The following SHROOM3 variants were observed in gnomAD, a reference collection of about 807,000 sequenced individuals.
SHROOM3 encodes the protein shroom family member 3.
A neutral mutation model predicts 138.6 loss-of-function variants in SHROOM3; 47 were observed. That is an observed-to-expected ratio of 0.34 (90% confidence interval 0.27 to 0.43). The LOEUF (loss-of-function observed/expected upper bound fraction) is 0.43, where lower values mean the gene tolerates loss of function less well. Ranked by LOEUF, SHROOM3 falls within the 20% of genes least tolerant of loss-of-function variation. The pLI, the probability that SHROOM3 is intolerant of heterozygous loss-of-function variation, is 1.00. For synonymous variants in SHROOM3, 1,062 were observed against 1,063.3 expected, an observed-to-expected ratio of 1.00 and a Z score of 0.02; for missense variants, 2,491 against 2,596.5, an observed-to-expected ratio of 0.96 and a Z score of 0.88.
intron 9 of SHROOM3, among the ~76,000 whole-genome samples, chr4:76,762,473 AG>A (rs1430613535): frequency 6.6e-6 from 1 of 152,190 alleles, no homozygotes; most frequent in Non-Finnish European, 1.5e-5. Flanking sequence ...CCACAGCACC[AG>A]GGGGATGATA....
At chr4:76,525,973 A>C (rs1290423326) in intron 1 of SHROOM3, among the ~76,000 whole-genome samples, 1 of 152,020 alleles carries the variant, frequency 6.6e-6, no homozygotes, top group Non-Finnish European at 1.5e-5. Flanking sequence ...GTTGCTCCTG[A>C]CCTCATACTT....
Position 76,492,527 on chromosome 4 carries a change from C to T in SHROOM3, c.168+56307C>T, listed in dbSNP as rs527674629. On this transcript the variant is annotated intron_variant, in intron 1 of 10. Coordinates refer to ENST00000296043, the MANE Select transcript of SHROOM3 (RefSeq NM_020859.4). ...ATTTTAGAATTTAGTACCAACTTCA[C>T]CATCTGATTCCTGAAGCTTGGGGTA... Among the ~76,000 whole-genome samples the T allele has an allele frequency of 3.9e-5, 6 of 152,270 alleles. No individual in the cohort carries two copies. In the South Asian group the frequency reaches 1.2e-3, roughly 32 times the overall value.
At chr4:76,516,514 C>G (rs1416549183) in intron 1 of SHROOM3, among the ~76,000 whole-genome samples, 1 of 151,944 alleles carries the variant, frequency 6.6e-6, no homozygotes, top group African/African-American at 2.4e-5. Flanking sequence ...AGAGGAATCC[C>G]TGAACTGAAT....
intron 2 of SHROOM3, among the ~76,000 whole-genome samples, chr4:76,629,883 C>T (rs923525131): frequency 3.3e-5 from 5 of 152,134 alleles, no homozygotes; most frequent in African/African-American, 1.2e-4. Flanking sequence ...GTGTATGAAT[C>T]TGGTATTTAG....
At chr4:76,507,807 G>A (rs1233088856) in intron 1 of SHROOM3, among the ~76,000 whole-genome samples, 5 of 151,798 alleles carry the variant, frequency 3.3e-5, no homozygotes, top group African/African-American at 1.2e-4. Context: ...GCCTCCCAAA[G>A]TGCTGAGATT....
chr4:76,748,393 AAAC>A (rs1467273985), intron 5 of SHROOM3, among the ~76,000 whole-genome samples: 30 of 152,298 alleles, frequency 2.0e-4, no homozygotes, highest in African/African-American at 7.0e-4. Context: ...CACAGGGACC[AAAC>A]TGTATACTAT....
Position 76,740,482 on chromosome 4 carries a change from A to G in SHROOM3, c.2309A>G (p.Gln770Arg). ...GPGPGSASAL[Q>R]GFQYGKPHCS... Reference sequence around the variant, plus strand: ...GGCCCAGGCAGCGCCTCGGCTCTTCAGGGCTTTCAGTACGGGAAGCCCCAC... The same window carrying G: ...GGCCCAGGCAGCGCCTCGGCTCTTCGGGGCTTTCAGTACGGGAAGCCCCAC... The change falls in exon 5 of 11, where the codon CAG becomes CGG. Residue 770 changes from glutamine (Q) to arginine (R), a missense_variant. Around this residue, in one of 4 missense-constraint regions of SHROOM3, gnomAD observed 1,733 missense variants for 1,661.6 expected, o/e 1.04. Transcript: ENST00000296043. This position sits in a 1 kb window ranked among gnomAD's most constrained non-coding sequence, Gnocchi z 4.0. The G allele has an allele frequency of 1.2e-6, 2 of 1,612,696 alleles. No homozygotes were observed. The highest frequency in any genetic ancestry group is 1.7e-6 in the Non-Finnish European group (2 of 1,179,224).
intron 2 of SHROOM3, among the ~76,000 whole-genome samples, chr4:76,563,562 G>T (rs1395248142): frequency 6.6e-6 from 1 of 152,146 alleles, no homozygotes; most frequent in Non-Finnish European, 1.5e-5. Context: ...TCCAAGGACT[G>T]GTCAGGTTAT....
At chr4:76,578,276 T>C (rs1320092139) in intron 2 of SHROOM3, among the ~76,000 whole-genome samples, 1 of 152,196 alleles carries the variant, frequency 6.6e-6, no homozygotes, top group Non-Finnish European at 1.5e-5. Context: ...CAGTTTCCTT[T>C]AGCTATACGG....
chr4:76,471,966 G>C (rs935808434), intron 1 of SHROOM3, among the ~76,000 whole-genome samples: 3 of 152,128 alleles, frequency 2.0e-5, no homozygotes, highest in Non-Finnish European at 4.4e-5. Flanking sequence ...GTATGATCAA[G>C]GGTGTTACTT....
At chr4:76,501,140 A>T (rs1006249972) in intron 1 of SHROOM3, among the ~76,000 whole-genome samples, 1 of 151,954 alleles carries the variant, frequency 6.6e-6, no homozygotes, top group Non-Finnish European at 1.5e-5. Flanking sequence ...TTTAAATTAG[A>T]TTGTCTTTTC....
At chr4:76,479,655 G>A (rs553462653) in intron 1 of SHROOM3, among the ~76,000 whole-genome samples, 9 of 152,162 alleles carry the variant, frequency 5.9e-5, no homozygotes, top group African/African-American at 1.9e-4. Flanking sequence ...TCCTCAAGAA[G>A]AACAACCCCA....
At chr4:76,576,227 G>C (rs565984262) in intron 2 of SHROOM3, among the ~76,000 whole-genome samples, 1 of 152,288 alleles carries the variant, frequency 6.6e-6, no homozygotes, top group East Asian at 1.9e-4. Flanking sequence ...CTTTACAATA[G>C]CTAAGATTTG....
intron 1 of SHROOM3, among the ~76,000 whole-genome samples, chr4:76,530,652 A>G (rs1732810713): frequency 6.6e-6 from 1 of 152,216 alleles, no homozygotes; most frequent in South Asian, 2.1e-4. Flanking sequence ...GAAAAGTATA[A>G]CTTGGAGGAA....
chr4:76,501,592 G>A (rs928308865), intron 1 of SHROOM3, among the ~76,000 whole-genome samples: 1 of 152,110 alleles, frequency 6.6e-6, no homozygotes. Flanking sequence ...TCACCATAAA[G>A]ACTAAGCCAT....
At chr4:76,661,270 G>A (rs549694801) in intron 2 of SHROOM3, among the ~76,000 whole-genome samples, 6 of 148,984 alleles carry the variant, frequency 4.0e-5, no homozygotes, top group African/African-American at 1.5e-4. Flanking sequence ...TCGCTCTGTC[G>A]CCCAGGCTGG....
Position 76,770,799 on chromosome 4 carries a change from G to A in SHROOM3, c.5523G>A (p.Leu1841=). The change falls in exon 10 of 11, where the codon TTG becomes TTA. Residue 1841 remains leucine, a synonymous_variant. Coordinates refer to ENST00000296043, the MANE Select transcript of SHROOM3 (RefSeq NM_020859.4). The part of the protein sequence containing the change: ...FDKYRMFIGD[L]DKVVNLLLSL... ...AGTATAGGATGTTCATAGGGGATTT[G>A]GACAAGGTGGTCAACCTGCTGCTCT... is the stretch of plus-strand genomic sequence containing the variant. The A allele has an allele frequency of 1.2e-6, 2 of 1,614,214 alleles. No individual in the cohort carries two copies. Among genetic ancestry groups the A allele is most frequent in the Admixed American group, 1.7e-5 (1 of 60,030 alleles).
In SHROOM3 at chr4:76,741,965, T is replaced by G; in HGVS notation, c.3753+39T>G. 6.2e-7 allele frequency: 1 copy of G among 1,602,426 alleles called. No homozygotes were observed. Among genetic ancestry groups the G allele is most frequent in the South Asian group, 1.1e-5 (1 of 88,824 alleles). On this transcript the variant is annotated intron_variant, in intron 5 of 10. Coordinates refer to ENST00000296043, the MANE Select transcript of SHROOM3 (RefSeq NM_020859.4). This position sits in a 1 kb window ranked among gnomAD's most constrained non-coding sequence, Gnocchi z 6.2. ...GCAAGTCCTGGCCTCGAACTGTCCC[T>G]TCCTCCCTAGAAGCTTTAGTGGGGC...
chr4:76,725,466 A>G (rs549074364), intron 3 of SHROOM3, among the ~76,000 whole-genome samples: 12 of 152,292 alleles, frequency 7.9e-5, no homozygotes, highest in Middle Eastern at 3.4e-3. Flanking sequence ...ATTTTCTTAA[A>G]TGGACATTTA....
Sources: allele counts gnomAD v4.1 joint callset (sites outside exome capture counted in the v4.1 genomes callset), GRCh38; gene constraint gnomAD v4.1.1; regional missense constraint gnomAD v4.1.1; non-coding constraint Gnocchi (gnomAD v3.1); transcripts MANE v1.5; gene names NCBI Gene and HGNC (gene_info 2026-07-23, HGNC 2026-07-21).